Variants in MYLK3 observed in about 807,000 individuals in gnomAD.
The protein encoded by MYLK3 is myosin light chain kinase 3.
MYLK3 carries 55 observed loss-of-function variants against 76.3 expected under a neutral mutation model. That is an observed-to-expected ratio of 0.72 (90% confidence interval 0.58 to 0.90). The LOEUF is 0.90. Ranked by LOEUF, MYLK3 falls within the 40% of genes least tolerant of loss-of-function variation. The pLI, the probability that MYLK3 is intolerant of heterozygous loss-of-function variation, is 0.00. For synonymous variants in MYLK3, 416 were observed against 425.4 expected (o/e 0.98, Z 0.27); for missense variants, 973 against 1,053.6 (o/e 0.92, Z 1.06).
In MYLK3 at chr16:46,747,921, G is replaced by C; in HGVS notation, c.273C>G (p.Pro91=). The C allele has an allele frequency of 6.2e-7, 1 of 1,613,512 alleles. No homozygotes were observed. The highest frequency in any genetic ancestry group is 8.5e-7 in the Non-Finnish European group (1 of 1,179,846). ...VPHIDTQAGW[P]EVLELVRAMQ... Reference sequence around the variant, plus strand: ...TGGCCCTCACCAGCTCCAGGACCTCGGGCCACCCAGCCTGGGTGTCAATGT... The same window carrying C: ...TGGCCCTCACCAGCTCCAGGACCTCCGGCCACCCAGCCTGGGTGTCAATGT... Residue 91 remains proline, a synonymous_variant, in exon 1 of 13, where the codon CCC becomes CCG. Transcript: ENST00000394809.
At chr16:46,757,321 G>A in intron 1 of MYLK3, 1 of 958,142 alleles carries the variant, frequency 1.0e-6, no homozygotes, top group Non-Finnish European at 1.2e-6. Context: ...GAGAACCCAG[G>A]ACCGGGGAAC....
At chr16:46,748,361 C>G, upstream of MYLK3, 1 of 1,267,688 alleles carries the variant, frequency 7.9e-7, no homozygotes, top group Non-Finnish European at 1.1e-6. The surrounding 1 kb of genome is among the most constrained non-coding windows in gnomAD (Gnocchi z 4.3). Flanking sequence ...CGCAGAGGCC[C>G]AGGTTCTTCC....
intron 8 of MYLK3, 148 bp downstream of exon 8, chr16:46,727,088 G>C: frequency 1.4e-6 from 1 of 703,748 alleles, no homozygotes; most frequent in Non-Finnish European, 2.2e-6. Flanking sequence ...GGCAGCAAGA[G>C]TGGCCTGTCC....
At chr16:46,757,684 GC>G in intron 1 of MYLK3, 1 of 859,812 alleles carries the variant, frequency 1.2e-6, no homozygotes, top group Non-Finnish European at 1.4e-6. Flanking sequence ...CCCTGTCCAG[GC>G]CCCAGCGGCA....
chr16:46,713,264 C>A (rs1966703565), intron 9 of MYLK3, among the ~76,000 whole-genome samples: 1 of 143,750 alleles, frequency 7.0e-6, no homozygotes, highest in African/African-American at 2.6e-5. Context: ...GTGATAAGAT[C>A]TCGGCTCACT....
Position 46,747,399 on chromosome 16 carries a change from G to A in MYLK3, c.477+318C>T, listed in dbSNP as rs566611479. Among the ~76,000 whole-genome samples, 9 of 152,306 alleles carry A rather than the reference G, an allele frequency of 5.9e-5. No homozygotes were observed. The East Asian group carries it at 9.7e-4, about 16-fold the overall frequency. On this transcript the variant is annotated intron_variant, in intron 1 of 12. Coordinates refer to ENST00000394809, the MANE Select transcript of MYLK3 (RefSeq NM_182493.3). ...TGTGAAGGAGCAGAAGGGCAGTCAC[G>A]GGGGTGTCAGAGAAGTGTGGTGGTC... is the stretch of plus-strand genomic sequence containing the variant.
At position 46,747,988 on chromosome 16, in the gene MYLK3, G is replaced by T. The variant is rs990007731; in HGVS notation, c.206C>A (p.Ala69Asp). 4.3e-6 allele frequency: 7 copies of T among 1,613,300 alleles called. No homozygotes were observed. In the African/African-American group the frequency reaches 8.0e-5, roughly 18 times the overall value. ...HLERGLHRLE[A>D]SRAPGPGGAD... The stretch of plus-strand genomic sequence containing the variant: ...CCCGCCCGGGCCCGGTGCCCGGGAG[G>T]CCTCCAGCCTGTGCAGGCCCCGCTC... The change falls in exon 1 of 13, where the codon GCC becomes GAC. Residue 69 changes from alanine (A) to aspartate (D), a missense_variant. Coordinates refer to ENST00000394809, the MANE Select transcript of MYLK3 (RefSeq NM_182493.3).
intron 1 of MYLK3, among the ~76,000 whole-genome samples, chr16:46,745,026 AC>A (rs1206737019): frequency 1.3e-5 from 2 of 152,144 alleles, no homozygotes; most frequent in Non-Finnish European, 2.9e-5. Context: ...AAAAAAAAAA[AC>A]ATGCACAATA....
intron 8 of MYLK3, 93 bp from the exon 9 acceptor site, chr16:46,721,286 A>G: frequency 8.2e-7 from 1 of 1,220,328 alleles, no homozygotes; most frequent in Non-Finnish European, 1.2e-6. Flanking sequence ...TCCAGCCTTC[A>G]AGGGACATGA....
At chr16:46,732,088 TG>T in intron 4 of MYLK3, 119 bp downstream of exon 4, 1 of 845,910 alleles carries the variant, frequency 1.2e-6, no homozygotes, top group Non-Finnish European at 1.8e-6. Context: ...TCCCGACTCT[TG>T]GACGCCCCCA....
chr16:46,703,123 C>A lies in MYLK3; in HGVS notation c.*4581G>T, dbSNP rs1034723744. ...ATGTCTCTTCACAAATGGGATGATA[C>A]CATATATACATTCTATAATTTAAGA... On this transcript the variant is annotated 3_prime_UTR_variant, in exon 13 of 13. Coordinates refer to ENST00000394809, the MANE Select transcript of MYLK3 (RefSeq NM_182493.3). Among the ~76,000 whole-genome samples, 1 of 151,988 alleles carries A rather than the reference C, an allele frequency of 6.6e-6. No homozygotes were observed. Among genetic ancestry groups the A allele is most frequent in the Non-Finnish European group, 1.5e-5 (1 of 68,008 alleles).
Position 46,740,105 on chromosome 16 carries a change from C to G in MYLK3, c.520G>C (p.Val174Leu), listed in dbSNP as rs771275894. The change falls in exon 2 of 13, where the codon GTG (valine) becomes CTG (leucine). Residue 174 changes from valine (V) to leucine (L), a missense_variant. This residue lies in a region of MYLK3 where 641 missense variants were observed against 637.0 expected (regional missense o/e 1.01). Transcript: ENST00000394809. ...GACTGCACCCCACTGGTGCTCAGCA[C>G]ATGCTTTGGTTTTCCTCCCTCTTCT... Reference protein sequence around the residue: ...VEEEGGKPKHVLSTSGVQSDA... With the variant: ...VEEEGGKPKHLLSTSGVQSDA... 13 of 1,613,878 alleles carry G rather than the reference C, an allele frequency of 8.1e-6. No individual in the cohort carries two copies. The highest frequency in any genetic ancestry group is 1.1e-5 in the Non-Finnish European group (13 of 1,179,872).
intron 1 of MYLK3, among the ~76,000 whole-genome samples, chr16:46,744,612 G>T (rs940137243): frequency 6.6e-6 from 1 of 151,974 alleles, no homozygotes; most frequent in East Asian, 1.9e-4. Context: ...AAAGTGCTGG[G>T]ATTACAGGCT....
In MYLK3 at chr16:46,748,011, C is replaced by T; in HGVS notation, c.183G>A (p.Glu61=). The T allele has an allele frequency of 1.2e-6, 2 of 1,613,892 alleles. No individual in the cohort carries two copies. Among genetic ancestry groups the T allele is most frequent in the East Asian group, 2.2e-5 (1 of 44,878 alleles). Residue 61 remains glutamate, a synonymous_variant, in exon 1 of 13, where the codon GAG becomes GAA. Coordinates refer to ENST00000394809, the MANE Select transcript of MYLK3 (RefSeq NM_182493.3). This position sits in a 1 kb window ranked among gnomAD's most constrained non-coding sequence, Gnocchi z 4.3. ...AGGCCTCCAGCCTGTGCAGGCCCCG[C>T]TCCAGGTGGCCCATGTCTCGGCACA... ...QSMCRDMGHL[E]RGLHRLEASR...
intron 1 of MYLK3, 67 bp downstream of exon 1, chr16:46,747,650 T>A: frequency 6.8e-7 from 1 of 1,476,276 alleles, no homozygotes; most frequent in South Asian, 1.2e-5. Flanking sequence ...AAACACTGGC[T>A]GCCTGGCCAG....
chr16:46,756,328 T>C (rs1041808077), intron 1 of MYLK3, among the ~76,000 whole-genome samples: 70 of 152,330 alleles, frequency 4.6e-4, no homozygotes, highest in African/African-American at 1.7e-3. Flanking sequence ...ATCTGTCTTG[T>C]GAGGGTGAGG....
intron 7 of MYLK3, among the ~76,000 whole-genome samples, chr16:46,727,877 A>G (rs953084090): frequency 2.0e-5 from 3 of 152,128 alleles, no homozygotes; most frequent in Non-Finnish European, 4.4e-5. Flanking sequence ...CCCAGCAAAG[A>G]TTAGGCGTGG....
Position 46,748,190 on chromosome 16 carries a change from A to G in MYLK3, c.4T>C (p.Ser2Pro). The G allele has an allele frequency of 6.2e-7, 1 of 1,611,618 alleles. No homozygotes were observed. Among genetic ancestry groups the G allele is most frequent in the Non-Finnish European group, 8.5e-7 (1 of 1,178,458 alleles). The change falls in exon 1 of 13, where the codon TCA becomes CCA. Residue 2 changes from serine (S) to proline (P), a missense_variant. Transcript: ENST00000394809. The surrounding 1 kb of genome is among the most constrained non-coding windows in gnomAD (Gnocchi z 4.3). ...CCCAGACTCTCCTTGGAGGTTCCTG[A>G]CATGCTGGTGCAGGCTTGACAAGGG... Reference protein sequence around the residue: MSGTSKESLGHG... With the variant: MPGTSKESLGHG...
rs1394649940 is a variant in MYLK3 at position 46,703,090 on chromosome 16, A to G, written c.*4614T>C. 6.6e-6 allele frequency among the ~76,000 whole-genome samples: 1 copy of G among 152,160 alleles called. No individual in the cohort carries two copies. The highest frequency in any genetic ancestry group is 1.5e-5 in the Non-Finnish European group (1 of 68,032). ...TATCCTACGGTTTTTTAATGCACAT[A>G]TAAGCATATGTCTCTTCACAAATGG... On this transcript the variant is annotated 3_prime_UTR_variant, in exon 13 of 13. Coordinates refer to ENST00000394809, the MANE Select transcript of MYLK3 (RefSeq NM_182493.3).
Sources: gnomAD v4.1 joint callset for allele counts (sites outside exome capture counted in the v4.1 genomes callset) on GRCh38, gnomAD v4.1.1 for gene constraint, gnomAD v4.1.1 regional missense constraint, Gnocchi (gnomAD v3.1) non-coding constraint, MANE v1.5 for transcripts, NCBI Gene and HGNC (gene_info 2026-07-23, HGNC 2026-07-21) for gene names.